MAF: variants seen among roughly 807,000 people sequenced by gnomAD.
MAF encodes the protein MAF bZIP transcription factor, also known as transcription factor Maf.
A neutral mutation model predicts 22.0 loss-of-function variants in MAF; 10 were observed. The ratio of observed to expected loss-of-function variants is 0.45; its 90% CI spans 0.28 to 0.77. The LOEUF (loss-of-function observed/expected upper bound fraction) is 0.77, where lower values mean the gene tolerates loss of function less well. Ranked by LOEUF, MAF falls within the 30% of genes least tolerant of loss-of-function variation. The pLI is 0.12. For synonymous variants in MAF, 337 were observed against 255.8 expected, an observed-to-expected ratio of 1.32 and a Z score of -3.03; for missense variants, 544 against 548.4, an observed-to-expected ratio of 0.99 and a Z score of 0.08.
chr16:79,353,815 C>A, the MAF span, among the ~76,000 whole-genome samples: 4 of 152,002 alleles, frequency 2.6e-5, no homozygotes, highest in Non-Finnish European at 5.9e-5. Flanking sequence ...AAAAGCAGAT[C>A]TCAAAGTCTT....
At chr16:79,378,379 A>AT in the MAF span, among the ~76,000 whole-genome samples, 1 of 152,180 alleles carries the variant, frequency 6.6e-6, no homozygotes, top group African/African-American at 2.4e-5. Context: ...AAAGTCATTC[A>AT]TTTTTTATTC....
downstream of MAF, among the ~76,000 whole-genome samples, chr16:79,589,191 G>A (rs1395123881): frequency 1.3e-5 from 2 of 152,152 alleles, no homozygotes; most frequent in African/African-American, 4.8e-5. Flanking sequence ...TGGAAAAGAT[G>A]CTTTCTGAAA....
chr16:79,370,385 G>A, the MAF span, among the ~76,000 whole-genome samples: 2 of 152,170 alleles, frequency 1.3e-5, no homozygotes, highest in African/African-American at 4.8e-5. Flanking sequence ...AATGTGCTGG[G>A]TGGTCCTTTG....
At chr16:79,470,291 G>A in the MAF span, among the ~76,000 whole-genome samples, 4 of 152,174 alleles carry the variant, frequency 2.6e-5, no homozygotes, top group Non-Finnish European at 5.9e-5. Context: ...CCTTGCCAAT[G>A]AGGACGCCCA....
chr16:79,386,621 T>TAC, the MAF span, among the ~76,000 whole-genome samples: 1 of 152,184 alleles, frequency 6.6e-6, no homozygotes, highest in East Asian at 1.9e-4. Flanking sequence ...TATAACTATA[T>TAC]ACACATATAT....
At chr16:79,489,789 G>C in the MAF span, among the ~76,000 whole-genome samples, 1 of 152,208 alleles carries the variant, frequency 6.6e-6, no homozygotes, top group Admixed American at 6.5e-5. Context: ...TTATCTGGTA[G>C]GAGACAGAGG....
chr16:79,399,695 C>T, the MAF span, among the ~76,000 whole-genome samples: 7 of 152,192 alleles, frequency 4.6e-5, no homozygotes, highest in South Asian at 6.2e-4. Flanking sequence ...GAAACATAAC[C>T]GAGATCAAGG....
the MAF span, among the ~76,000 whole-genome samples, chr16:79,505,949 G>GAGAA: frequency 7.9e-5 from 12 of 151,854 alleles, no homozygotes; most frequent in African/African-American, 1.9e-4. Context: ...GGAAGGAAAA[G>GAGAA]AGAAAGAAAG....
chr16:79,357,253 CACAACAACAACAACAACA>C, the MAF span, among the ~76,000 whole-genome samples: 10 of 146,082 alleles, frequency 6.8e-5, no homozygotes, highest in Non-Finnish European at 9.0e-5. Context: ...AAGACTCTGT[CACAACAACAACAACAACA>C]ACAACAACAA....
chr16:79,405,088 C>G, the MAF span, among the ~76,000 whole-genome samples: 9 of 152,142 alleles, frequency 5.9e-5, no homozygotes, highest in Admixed American at 1.3e-4. Context: ...ACACTTTGGA[C>G]TCAATGATCT....
chr16:79,422,952 G>C, the MAF span, among the ~76,000 whole-genome samples: 1 of 152,100 alleles, frequency 6.6e-6, no homozygotes, highest in Non-Finnish European at 1.5e-5. Context: ...AAGACAGGTG[G>C]AGTGACAAAG....
intron 1 of MAF, chr16:79,597,118 C>T (rs1913579469): frequency 9.4e-7 from 1 of 1,058,210 alleles, no homozygotes; most frequent in Non-Finnish European, 1.1e-6. Context: ...GTATAAGCTA[C>T]TTTTTTTAAA....
the MAF span, among the ~76,000 whole-genome samples, chr16:79,511,687 G>A: frequency 0.017 from 2,520 of 152,146 alleles, 39 homozygotes; most frequent in Middle Eastern, 0.044. Context: ...CTCACCAATC[G>A]GCATTCAGTA....
chr16:79,564,076 G>C, the MAF span, among the ~76,000 whole-genome samples: 1 of 152,234 alleles, frequency 6.6e-6, no homozygotes, highest in Non-Finnish European at 1.5e-5. Context: ...AGCAGACCCT[G>C]CTTTCAACAG....
At chr16:79,526,736 G>T in the MAF span, among the ~76,000 whole-genome samples, 6 of 152,226 alleles carry the variant, frequency 3.9e-5, no homozygotes, top group East Asian at 1.2e-3. Context: ...TCATTTCTGT[G>T]GTGAAAATAC....
the MAF span, among the ~76,000 whole-genome samples, chr16:79,246,427 C>T: frequency 6.6e-6 from 1 of 151,168 alleles, no homozygotes; most frequent in African/African-American, 2.4e-5. Context: ...TTTCATGGGC[C>T]TTGATTCTGA....
chr16:79,565,737 T>G, the MAF span, among the ~76,000 whole-genome samples: 1 of 152,320 alleles, frequency 6.6e-6, no homozygotes, highest in Non-Finnish European at 1.5e-5. Context: ...TTCTTTCCTT[T>G]ATAAATTACC....
the MAF span, among the ~76,000 whole-genome samples, chr16:79,527,749 T>C: frequency 6.9e-4 from 105 of 152,302 alleles, no homozygotes; most frequent in Middle Eastern, 3.4e-3. Context: ...AAGTGAATAT[T>C]GTCAGGAAAT....
chr16:79,579,180 A>G, the MAF span, among the ~76,000 whole-genome samples: 3 of 152,242 alleles, frequency 2.0e-5, no homozygotes, highest in Admixed American at 2.0e-4. Flanking sequence ...TCTTTGATGC[A>G]AAAATAATAC....
Sources: gnomAD v4.1 joint callset for allele counts (sites outside exome capture counted in the v4.1 genomes callset) on GRCh38, gnomAD v4.1.1 for gene constraint, MANE v1.5 for transcripts, NCBI Gene and HGNC (gene_info 2026-07-23, HGNC 2026-07-21) for gene names.